The following ADGRG6 variants were observed in gnomAD, a reference collection of about 807,000 sequenced individuals.
ADGRG6 encodes G-protein coupled receptor 126.
A neutral mutation model predicts 142.4 loss-of-function variants in ADGRG6; 84 were observed. The ratio of observed to expected loss-of-function variants is 0.59; its 90% CI spans 0.49 to 0.71. The LOEUF (loss-of-function observed/expected upper bound fraction) is 0.71, where lower values mean the gene tolerates loss of function less well. Among genes scored for constraint, ADGRG6 ranks in the 30% least tolerant of loss-of-function variants. The pLI, the probability that ADGRG6 is intolerant of heterozygous loss-of-function variation, is 0.00. For synonymous variants in ADGRG6, 521 were observed against 520.5 expected (o/e 1.00, Z -0.01); for missense variants, 1,367 against 1,466.6 (o/e 0.93, Z 1.11).
Position 142,432,263 on chromosome 6 carries a change from G to A in ADGRG6, c.3320-5171G>A, listed in dbSNP as rs2115167979. Reference sequence around the variant, plus strand: ...ACTGCCCACTACTGAACTGTGAAAGGGCTATTTTGTCCTGGAGGAATTTTG... The same window carrying A: ...ACTGCCCACTACTGAACTGTGAAAGAGCTATTTTGTCCTGGAGGAATTTTG... On this transcript the variant is annotated intron_variant, in intron 22 of 24. Transcript: ENST00000367609. Among the ~76,000 whole-genome samples, 2 of 152,140 alleles carry A rather than the reference G, an allele frequency of 1.3e-5. 1 individual carries two copies. Among genetic ancestry groups the A allele is most frequent in the South Asian group, 4.2e-4 (2 of 4,812 alleles).
intron 4 of ADGRG6, among the ~76,000 whole-genome samples, chr6:142,379,078 C>T (rs1034057541): frequency 1.3e-5 from 2 of 152,108 alleles, no homozygotes; most frequent in Non-Finnish European, 2.9e-5. Context: ...AACACTTTTG[C>T]GTCTAGGTGT....
rs529723017 is a variant in ADGRG6, at chr6:142,341,628, AATATATAAT to A, written c.104-25926_104-25918del. ...ATACTATATAATATGTAGTATATAT[AATATATAAT>A]ATATATAATATATACTATATAGTAT... is the stretch of plus-strand genomic sequence containing the variant. On this transcript the variant is annotated intron_variant, in intron 2 of 24. Coordinates refer to ENST00000367609, the MANE Select transcript of ADGRG6 (RefSeq NM_198569.3). Among the ~76,000 whole-genome samples, 992 of 131,724 alleles carry A rather than the reference AATATATAAT, an allele frequency of 7.5e-3. 15 individuals carry two copies. The highest frequency in any genetic ancestry group is 0.027 in the African/African-American group (935 of 35,004). 86.4% of individuals were successfully genotyped at this position (131,724 alleles called of 152,430 possible).
At chr6:142,419,520 G>C (rs1042356043) in intron 21 of ADGRG6, among the ~76,000 whole-genome samples, 2 of 152,132 alleles carry the variant, frequency 1.3e-5, no homozygotes, top group African/African-American at 4.8e-5. Context: ...AAGGAGGTTA[G>C]ACATGGCTTG....
intron 2 of ADGRG6, among the ~76,000 whole-genome samples, chr6:142,332,497 T>C (rs1285113116): frequency 6.6e-6 from 1 of 151,934 alleles, no homozygotes; most frequent in Admixed American, 6.6e-5. Context: ...TTTTGCTTTT[T>C]TTTTTTTTGT....
chr6:142,314,187 C>T (rs759443482), intron 2 of ADGRG6, among the ~76,000 whole-genome samples: 3 of 152,068 alleles, frequency 2.0e-5, no homozygotes, highest in African/African-American at 4.8e-5. Flanking sequence ...GGCCTGAATT[C>T]GATGTTGTTC....
intron 7 of ADGRG6, 22 bp downstream of exon 7, chr6:142,390,365 C>CT (rs751864032): frequency 2.8e-6 from 4 of 1,430,226 alleles, no homozygotes; most frequent in Non-Finnish European, 3.9e-6. Context: ...TGTAACTTTT[C>CT]TTTTTTAAAA....
At chr6:142,418,462 A>G (rs986652575) in intron 21 of ADGRG6, among the ~76,000 whole-genome samples, 1 of 152,154 alleles carries the variant, frequency 6.6e-6, no homozygotes, top group African/African-American at 2.4e-5. Flanking sequence ...CCAGAATTTT[A>G]GAAGAACTTC....
At chr6:142,395,038 A>G (rs1451967837) in intron 9 of ADGRG6, among the ~76,000 whole-genome samples, 1 of 152,124 alleles carries the variant, frequency 6.6e-6, no homozygotes, top group Non-Finnish European at 1.5e-5. Flanking sequence ...CTTACTATGA[A>G]AAGATAAAAT....
chr6:142,365,659 G>T (rs967598629), intron 2 of ADGRG6, among the ~76,000 whole-genome samples: 1 of 152,068 alleles, frequency 6.6e-6, no homozygotes, highest in African/African-American at 2.4e-5. Flanking sequence ...GTCTGTCTTC[G>T]GTCTTGTACA....
Position 142,443,536 on chromosome 6 carries a change from C to G in ADGRG6, c.*21C>G. On this transcript the variant is annotated 3_prime_UTR_variant, in exon 25 of 25. Transcript: ENST00000367609. Reference sequence around the variant, plus strand: ...TTTAATGTCTTTAAGAAAAAGAAATCAATCTGCAGAAATGTGAAGATTTGC... The same window carrying G: ...TTTAATGTCTTTAAGAAAAAGAAATGAATCTGCAGAAATGTGAAGATTTGC... The G allele has an allele frequency of 6.4e-7, 1 of 1,556,420 alleles. No homozygotes were observed. Among genetic ancestry groups the G allele is most frequent in the Non-Finnish European group, 8.8e-7 (1 of 1,135,120 alleles).
At chr6:142,343,779 A>G (rs1779769965) in intron 2 of ADGRG6, among the ~76,000 whole-genome samples, 1 of 151,954 alleles carries the variant, frequency 6.6e-6, no homozygotes, top group Admixed American at 6.6e-5. Context: ...CAGTTCAATC[A>G]CTTATTTCAA....
At chr6:142,399,748 T>C (rs1583094324) in intron 10 of ADGRG6, among the ~76,000 whole-genome samples, 2 of 152,356 alleles carry the variant, frequency 1.3e-5, no homozygotes, top group South Asian at 2.1e-4. Flanking sequence ...GAATTTTCAG[T>C]TGGTGATGAC....
chr6:142,362,798 G>T (rs73580427), intron 2 of ADGRG6, among the ~76,000 whole-genome samples: 1 of 152,020 alleles, frequency 6.6e-6, no homozygotes, highest in Non-Finnish European at 1.5e-5. Flanking sequence ...TGGAGAAATG[G>T]TATGTGGCTA....
chr6:142,396,630 T>C (rs146769900), intron 9 of ADGRG6, among the ~76,000 whole-genome samples: 1 of 152,162 alleles, frequency 6.6e-6, no homozygotes, highest in Non-Finnish European at 1.5e-5. Context: ...AAAACAATAC[T>C]ACCACTTTGT....
chr6:142,315,235 T>G (rs1476730679), intron 2 of ADGRG6, among the ~76,000 whole-genome samples: 1 of 152,172 alleles, frequency 6.6e-6, no homozygotes, highest in Admixed American at 6.6e-5. Flanking sequence ...AAATTCTTTT[T>G]AATTCTTTAA....
At chr6:142,302,976 A>G (rs894690116) in intron 1 of ADGRG6, among the ~76,000 whole-genome samples, 1 of 152,132 alleles carries the variant, frequency 6.6e-6, no homozygotes. Context: ...GAGAAACCTA[A>G]AAGGTTTTGC....
intron 4 of ADGRG6, among the ~76,000 whole-genome samples, chr6:142,375,687 T>C (rs184547643): frequency 5.3e-5 from 8 of 152,336 alleles, no homozygotes; most frequent in Admixed American, 2.6e-4. Flanking sequence ...AATTTATTTC[T>C]AGCATTCCAC....
intron 24 of ADGRG6, 26 bp downstream of exon 24, chr6:142,438,390 T>G: frequency 1.3e-6 from 2 of 1,516,354 alleles, no homozygotes; most frequent in Non-Finnish European, 1.8e-6. Context: ...TCCTCAAGTT[T>G]AGTTCTCATC....
intron 2 of ADGRG6, among the ~76,000 whole-genome samples, chr6:142,312,114 C>A (rs1777798013): frequency 1.3e-5 from 2 of 151,958 alleles, no homozygotes. Flanking sequence ...TAGTGATAAT[C>A]TGCATAGATT....
Sources: gnomAD v4.1 joint callset for allele counts (sites outside exome capture counted in the v4.1 genomes callset) on GRCh38, gnomAD v4.1.1 for gene constraint, MANE v1.5 for transcripts, NCBI Gene and HGNC (gene_info 2026-07-23, HGNC 2026-07-21) for gene names.